Variants in NOX4 observed in about 807,000 individuals in gnomAD.
NOX4 encodes the protein NADPH oxidase 4.
Under a neutral mutation model 87.6 loss-of-function variants are expected in NOX4, and 69 were observed. The observed-to-expected ratio is 0.79, with a 90% CI of 0.65 to 0.96. The LOEUF (loss-of-function observed/expected upper bound fraction) is 0.96. NOX4 is among the 40% of genes least tolerant of loss of function. The pLI is 0.00. For synonymous variants in NOX4, 275 were observed against 238.2 expected (o/e 1.15, Z -1.42); for missense variants, 680 against 681.5 (o/e 1.00, Z 0.02).
At chr11:89,330,628 GA>G (rs35155228) in intron 17 of NOX4, among the ~76,000 whole-genome samples, 17,169 of 79,542 alleles carry the variant, frequency 0.22, 969 homozygotes, top group Admixed American at 0.27. Context: ...TTACTAAAAA[GA>G]AAAAAAAAAA....
At chr11:89,388,654 T>C (rs1483817339) in intron 11 of NOX4, among the ~76,000 whole-genome samples, 1 of 152,124 alleles carries the variant, frequency 6.6e-6, no homozygotes, top group East Asian at 1.9e-4. Context: ...AAACCTAACC[T>C]AAAACGTCAT....
At chr11:89,501,241 A>G (rs1165015994), upstream of NOX4, among the ~76,000 whole-genome samples, 1 of 152,058 alleles carries the variant, frequency 6.6e-6, no homozygotes, top group Non-Finnish European at 1.5e-5. Flanking sequence ...TCTGCCTGTG[A>G]TCTGCAATTT....
At position 89,342,060 on chromosome 11, in the gene NOX4, T is replaced by A. The variant is rs1441003192; in HGVS notation, c.1337+14A>T. The A allele has an allele frequency of 6.3e-7, 1 of 1,596,042 alleles. No homozygotes were observed. The highest frequency in any genetic ancestry group is 8.5e-7 in the Non-Finnish European group (1 of 1,170,520). On this transcript the variant is annotated intron_variant, in intron 14 of 17. Transcript: ENST00000263317. ...TCTCTATTTGGATTAACAAAATAGA[T>A]CAAAATGACATACAACAGGGTGTTG...
intron 7 of NOX4, among the ~76,000 whole-genome samples, chr11:89,425,314 C>CTAA (rs1943317454): frequency 6.6e-6 from 1 of 150,682 alleles, no homozygotes; most frequent in African/African-American, 2.4e-5. Context: ...CAATTTGACT[C>CTAA]AGCTATTCTA....
chr11:89,380,387 C>T (rs1158164913), intron 11 of NOX4, among the ~76,000 whole-genome samples: 1 of 152,066 alleles, frequency 6.6e-6, no homozygotes. Context: ...AACATGGTCA[C>T]TGCTGAACCT....
intron 14 of NOX4, among the ~76,000 whole-genome samples, chr11:89,341,373 T>A (rs1945994657): frequency 6.6e-6 from 1 of 152,110 alleles, no homozygotes; most frequent in Admixed American, 6.6e-5. Context: ...TCCACCCACC[T>A]CGGCCTCCCA....
chr11:89,352,971 C>T (rs540607935), intron 13 of NOX4, among the ~76,000 whole-genome samples: 11 of 152,270 alleles, frequency 7.2e-5, no homozygotes, highest in African/African-American at 9.6e-5. Context: ...AGGCGTGTGC[C>T]ACCACAGCTG....
At position 89,480,629 on chromosome 11, in the gene NOX4, C is replaced by T. The variant is rs188359669; in HGVS notation, c.153+9829G>A. ...TCATGTTAGGTGCTTATAATCAATG[C>T]GCAAATTGCTTACAAATTCTGTTCT... On this transcript the variant is annotated intron_variant, in intron 2 of 17. Coordinates refer to ENST00000263317, the MANE Select transcript of NOX4 (RefSeq NM_016931.5). 1.2e-4 allele frequency among the ~76,000 whole-genome samples: 18 copies of T among 152,144 alleles called. No homozygotes were observed. The East Asian group carries it at 2.7e-3, about 23-fold the overall frequency.
intron 12 of NOX4, among the ~76,000 whole-genome samples, chr11:89,372,951 G>T (rs577264462): frequency 2.0e-5 from 3 of 151,880 alleles, no homozygotes; most frequent in Non-Finnish European, 4.4e-5. Context: ...GACAAGTAAA[G>T]TATCACCAAC....
chr11:89,419,833 C>G (rs758311476), intron 8 of NOX4, among the ~76,000 whole-genome samples: 3 of 151,776 alleles, frequency 2.0e-5, no homozygotes, highest in Non-Finnish European at 4.4e-5. Flanking sequence ...GATCCTTTAA[C>G]AAAAAATTGA....
At chr11:89,547,365 G>T in the NOX4 span, among the ~76,000 whole-genome samples, 11 of 152,084 alleles carry the variant, frequency 7.2e-5, no homozygotes, top group Non-Finnish European at 1.3e-4. Context: ...TCTAAAACTA[G>T]AATATACTCA....
In NOX4 at chr11:89,451,863, A is replaced by G. The variant is rs1468717712; in HGVS notation, c.186T>C (p.Ser62=). The change falls in exon 3 of 18, where the codon TCT becomes TCC. Residue 62 remains serine (S), a synonymous_variant. Transcript: ENST00000263317. ...TAAGGCTGCAGTTGAGGTTAAGAAC[A>G]GATGCTGAGGCTCTGCTTAGACACA... ...LGLCLSRASA[S]VLNLNCSLIL... 2 of 1,613,306 alleles carry G rather than the reference A, an allele frequency of 1.2e-6. No individual in the cohort carries two copies. The highest frequency in any genetic ancestry group is 1.7e-6 in the Non-Finnish European group (2 of 1,179,398).
chr11:89,455,526 G>T (rs1945153251), intron 2 of NOX4, among the ~76,000 whole-genome samples: 1 of 151,980 alleles, frequency 6.6e-6, no homozygotes, highest in Admixed American at 6.6e-5. Context: ...TTAAACACAG[G>T]TACCATGCTC....
chr11:89,405,812 T>C (rs551641821), intron 8 of NOX4, among the ~76,000 whole-genome samples: 1 of 151,144 alleles, frequency 6.6e-6, no homozygotes, highest in South Asian at 2.1e-4. Context: ...AGTACTTAAG[T>C]ATCTCCCAAC....
At chr11:89,524,205 C>G in the NOX4 span, among the ~76,000 whole-genome samples, 1 of 152,070 alleles carries the variant, frequency 6.6e-6, no homozygotes, top group East Asian at 1.9e-4. Context: ...ATGTATTAAC[C>G]TTAAATACAA....
At chr11:89,525,581 T>C in the NOX4 span, among the ~76,000 whole-genome samples, 6 of 152,222 alleles carry the variant, frequency 3.9e-5, no homozygotes, top group East Asian at 7.7e-4. Flanking sequence ...TCTCTTCTTA[T>C]TGTGTTATAA....
In NOX4 at chr11:89,352,551, T is replaced by A. The variant is rs141733740; in HGVS notation, c.1217+2411A>T. Among the ~76,000 whole-genome samples, 13 of 152,358 alleles carry A rather than the reference T, an allele frequency of 8.5e-5. No homozygotes were observed. The East Asian group carries it at 2.5e-3, about 29-fold the overall frequency. On this transcript the variant is annotated intron_variant, in intron 13 of 17. Coordinates refer to ENST00000263317, the MANE Select transcript of NOX4 (RefSeq NM_016931.5). ...TTCTAGATGCTATTAAGAACATTCA[T>A]GATTCATGGGAGGAAGTCATAATAT...
chr11:89,448,099 T>C (rs1944787171), intron 4 of NOX4, among the ~76,000 whole-genome samples: 1 of 152,208 alleles, frequency 6.6e-6, no homozygotes, highest in Non-Finnish European at 1.5e-5. Context: ...ACTGGAATAA[T>C]TAACCCTTGC....
intron 2 of NOX4, among the ~76,000 whole-genome samples, chr11:89,475,776 G>A (rs537002185): frequency 6.6e-6 from 1 of 152,022 alleles, no homozygotes; most frequent in South Asian, 2.1e-4. Flanking sequence ...GTAATATAGG[G>A]AAGAAATATT....
Sources: allele counts gnomAD v4.1 joint callset (sites outside exome capture counted in the v4.1 genomes callset), GRCh38; gene constraint gnomAD v4.1.1; transcripts MANE v1.5; gene names NCBI Gene and HGNC (gene_info 2026-07-23, HGNC 2026-07-21).